Variants in MGA observed in about 807,000 individuals in gnomAD.
MGA encodes the protein MAX gene-associated protein.
Under a neutral mutation model 261.1 loss-of-function variants are expected in MGA, and 40 were observed. The observed-to-expected ratio is 0.15, with a 90% CI of 0.12 to 0.20. The LOEUF (loss-of-function observed/expected upper bound fraction) is 0.20, where lower values mean the gene tolerates loss of function less well. Among genes scored for constraint, MGA ranks in the 10% least tolerant of loss-of-function variants. MGA has a pLI of 1.00. For missense variants in MGA, 3,397 were observed against 3,630.5 expected (o/e 0.94, Z 1.65); for synonymous variants, 1,302 against 1,290.6 (o/e 1.01, Z -0.19).
chr15:41,723,171 TC>T (rs890742411), intron 9 of MGA, among the ~76,000 whole-genome samples: 8 of 152,166 alleles, frequency 5.3e-5, no homozygotes, highest in African/African-American at 2.4e-5. Context: ...TGAGTGTTGT[TC>T]TTTTTTTTTC....
At chr15:41,713,620 T>C (rs2060487326) in intron 9 of MGA, 124 bp downstream of exon 9, 3 of 1,177,808 alleles carry the variant, frequency 2.5e-6, no homozygotes, top group Middle Eastern at 2.9e-4. Flanking sequence ...AGACTTCTTA[T>C]TATCCTTACA....
At chr15:41,633,675 G>C (rs2056640508) in intron 1 of MGA, among the ~76,000 whole-genome samples, 1 of 152,068 alleles carries the variant, frequency 6.6e-6, no homozygotes, top group Admixed American at 6.6e-5. Context: ...CACCCACCTT[G>C]GCTTCCCAAA....
rs138747493 is a variant in MGA at position 41,672,674 on chromosome 15, C to T, written c.1064+2716C>T. 1.3e-3 allele frequency among the ~76,000 whole-genome samples: 201 copies of T among 152,176 alleles called. 1 individual carries two copies. The highest frequency in any genetic ancestry group is 4.6e-3 in the African/African-American group (190 of 41,500). ...AAACTTTTTTTCTAAATGCTTGATA[C>T]GGGAGCAGAAATTATTTTTAGGCAG... On this transcript the variant is annotated intron_variant, in intron 2 of 23. Coordinates refer to ENST00000219905, the MANE Select transcript of MGA (RefSeq NM_001164273.2).
At chr15:41,729,949 A>G (rs1213724031) in intron 11 of MGA, among the ~76,000 whole-genome samples, 5 of 151,664 alleles carry the variant, frequency 3.3e-5, no homozygotes, top group Admixed American at 6.6e-5. Flanking sequence ...CTGGAGTGCA[A>G]TGGTGTGGTC....
At chr15:41,681,294 G>A (rs779373631) in intron 2 of MGA, among the ~76,000 whole-genome samples, 37 of 151,604 alleles carry the variant, frequency 2.4e-4, no homozygotes, top group Admixed American at 1.3e-3. Context: ...TATGCATAAT[G>A]CCAAATAATT....
chr15:41,626,876 G>C (rs2056467928), intron 1 of MGA, among the ~76,000 whole-genome samples: 1 of 151,834 alleles, frequency 6.6e-6, no homozygotes, highest in Non-Finnish European at 1.5e-5. Context: ...ATTTATTTTA[G>C]TTTTTGAGAT....
chr15:41,692,982 G>A (rs151135510), intron 2 of MGA, among the ~76,000 whole-genome samples: 6,224 of 152,182 alleles, frequency 0.041, 236 homozygotes, highest in African/African-American at 0.098. Context: ...ATAGGCGTGA[G>A]CCACTGCGCC....
chr15:41,711,284 A>G lies in MGA; in HGVS notation c.3019A>G (p.Lys1007Glu), dbSNP rs1407971075. The G allele has an allele frequency of 6.2e-7, 1 of 1,613,986 alleles. No homozygotes were observed. The highest frequency in any genetic ancestry group is 8.5e-7 in the Non-Finnish European group (1 of 1,179,864). ...GGAAGACTGTGCACTTTGGGAAGGAAAACCAAGGACATACATCACAGAAGA... is the reference window on the plus strand; with the variant it reads ...GGAAGACTGTGCACTTTGGGAAGGAGAACCAAGGACATACATCACAGAAGA... The change falls in exon 8 of 24, where the codon AAA becomes GAA. Residue 1007 changes from lysine (K) to glutamate (E), a missense_variant. This residue lies in a region of MGA where 519 missense variants were observed against 554.1 expected (regional missense o/e 0.94). Coordinates refer to ENST00000219905, the MANE Select transcript of MGA (RefSeq NM_001164273.2).
intron 1 of MGA, among the ~76,000 whole-genome samples, chr15:41,633,137 G>C (rs923024154): frequency 2.6e-5 from 4 of 151,894 alleles, no homozygotes; most frequent in African/African-American, 9.7e-5. Context: ...TTTTAGTAGA[G>C]ACGGGGTTTC....
rs2062657143 is a variant in MGA, at chr15:41,748,745, T to C, written c.5321T>C (p.Leu1774Pro). Residue 1774 changes from leucine to proline, a missense_variant, in exon 16 of 24, where the codon CTT (leucine) becomes CCT (proline). Leu to Pro is a moderately conservative substitution (Grantham distance 98, BLOSUM62 -3). Around this residue, in one of 9 missense-constraint regions of MGA, gnomAD observed 1,410 missense variants for 1,386.4 expected, o/e 1.02. Transcript: ENST00000219905. ...CCAGTGCAGCAGGGTTCTCCTACTC[T>C]TAGACCTGTCTCAAACACACAACTT... The C allele has an allele frequency of 6.2e-7, 1 of 1,613,974 alleles. No individual in the cohort carries two copies. Among genetic ancestry groups the C allele is most frequent in the East Asian group, 2.2e-5 (1 of 44,886 alleles).
chr15:41,677,939 A>G, intron 2 of MGA, among the ~76,000 whole-genome samples: 1 of 151,948 alleles, frequency 6.6e-6, no homozygotes, highest in Admixed American at 6.6e-5. Flanking sequence ...ATGAAGTACA[A>G]TTTTCCTATT....
intron 1 of MGA, among the ~76,000 whole-genome samples, chr15:41,648,199 T>A (rs145924294): frequency 1.3e-5 from 2 of 152,252 alleles, no homozygotes; most frequent in African/African-American, 4.8e-5. Context: ...GTTATTTAGT[T>A]CTCTCAAAGC....
At chr15:41,735,241 C>T (rs1410979756) in intron 12 of MGA, among the ~76,000 whole-genome samples, 10 of 152,130 alleles carry the variant, frequency 6.6e-5, no homozygotes, top group Admixed American at 5.9e-4. Flanking sequence ...CCTTGACATA[C>T]CAGTACACTC....
At chr15:41,736,155 T>A in intron 12 of MGA, 26 bp from the exon 13 acceptor site, 1 of 1,462,238 alleles carries the variant, frequency 6.8e-7, no homozygotes, top group Non-Finnish European at 9.0e-7. Flanking sequence ...TTCAACTTTT[T>A]CTTTTTTATT....
chr15:41,636,349 G>T (rs1014131234), intron 1 of MGA, among the ~76,000 whole-genome samples: 7 of 152,018 alleles, frequency 4.6e-5, no homozygotes, highest in Admixed American at 4.6e-4. Flanking sequence ...CTGGAGTGCA[G>T]TGGCACAGTC....
chr15:41,640,428 C>T (rs2056797770), intron 1 of MGA, among the ~76,000 whole-genome samples: 1 of 151,990 alleles, frequency 6.6e-6, no homozygotes, highest in Non-Finnish European at 1.5e-5. Context: ...CCTAGAGAAG[C>T]GATACAGTTT....
chr15:41,718,673 A>G (rs981884190), intron 9 of MGA: 3 of 265,664 alleles, frequency 1.1e-5, no homozygotes, highest in Non-Finnish European at 2.2e-5. Flanking sequence ...GGTGTGTTCA[A>G]GCTCCACCTG....
chr15:41,714,321 TTA>T (rs2060522463), intron 9 of MGA, among the ~76,000 whole-genome samples: 2 of 152,252 alleles, frequency 1.3e-5, no homozygotes, highest in African/African-American at 4.8e-5. Flanking sequence ...CTTCATGTTG[TTA>T]TAATCCCTTT....
rs1348105067 is a variant in MGA at position 41,749,125 on chromosome 15, A to G, written c.5518A>G (p.Ile1840Val). 9.3e-6 allele frequency: 15 copies of G among 1,611,084 alleles called. No individual in the cohort carries two copies. Among genetic ancestry groups the G allele is most frequent in the Non-Finnish European group, 1.0e-5 (12 of 1,177,912 alleles). The change falls in exon 17 of 24, where the codon ATC becomes GTC. Residue 1840 changes from isoleucine to valine, a missense_variant. Ile to Val is a conservative substitution (Grantham distance 29, BLOSUM62 3). Around this residue, in one of 9 missense-constraint regions of MGA, gnomAD observed 1,410 missense variants for 1,386.4 expected, o/e 1.02. Transcript: ENST00000219905. ...TTTTAAACCAGGGTCTGTGATGGGAATCCGGTTACCTGCTCCTTCCAAACC... is the reference window on the plus strand; with the variant it reads ...TTTTAAACCAGGGTCTGTGATGGGAGTCCGGTTACCTGCTCCTTCCAAACC...
Sources: gnomAD v4.1 joint callset for allele counts (sites outside exome capture counted in the v4.1 genomes callset) on GRCh38, gnomAD v4.1.1 for gene constraint, gnomAD v4.1.1 regional missense constraint, MANE v1.5 for transcripts, NCBI Gene and HGNC (gene_info 2026-07-23, HGNC 2026-07-21) for gene names.